The following USP9X variants were observed in gnomAD, a reference collection of about 807,000 sequenced individuals.
The protein encoded by USP9X is ubiquitin carboxyl-terminal hydrolase 9X.
A neutral mutation model predicts 190.3 loss-of-function variants in USP9X; 7 were observed. That is an observed-to-expected ratio of 0.04 (90% CI 0.02 to 0.07). The LOEUF is 0.07. Ranked by LOEUF, USP9X falls within the 10% of genes least tolerant of loss-of-function variation. USP9X has a pLI of 1.00. For missense variants in USP9X, 1,010 were observed against 1,916.9 expected, an observed-to-expected ratio of 0.53 and a Z score of 8.83; for synonymous variants, 645 against 659.5, an observed-to-expected ratio of 0.98 and a Z score of 0.34.
intron 1 of USP9X, among the ~76,000 whole-genome samples, chrX:41,094,054 T>TA (rs1477249926): frequency 8.9e-6 from 1 of 111,786 alleles, no homozygotes; most frequent in Admixed American, 9.5e-5. Context: ...CCTTTGTAGA[T>TA]ATAATTAATT....
chrX:41,161,635 C>CTTTTTGTTTTTTT (rs2062632805), intron 14 of USP9X, among the ~76,000 whole-genome samples: 1 of 47,425 alleles, frequency 2.1e-5, no homozygotes, highest in Non-Finnish European at 3.4e-5. Flanking sequence ...GGCGCCCTGC[C>CTTTTTGTTTTTTT]TTTTTTTTTT....
rs2063011722 is a variant in USP9X at position 41,198,662 on chromosome X, T to G, written c.4515T>G (p.Leu1505=). 1.2e-5 allele frequency: 14 copies of G among 1,210,510 alleles called. No individual in the cohort carries two copies. Among genetic ancestry groups the G allele is most frequent in the Non-Finnish European group, 1.5e-5 (13 of 895,367 alleles). ...PPTINAGFEL[L]VALAVGCVRN... ...CAATTAATGCTGGTTTTGAATTACT[T>G]GTAGCATTAGCTGTTGGCTGTGTGA... is the stretch of plus-strand genomic sequence containing the variant. The change falls in exon 30 of 45, where the codon CTT becomes CTG. Residue 1505 remains leucine (L), a synonymous_variant. Transcript: ENST00000378308.
At position 41,189,319 on chromosome X, in the gene USP9X, G is replaced by A. The variant is rs937429319; in HGVS notation, c.3821G>A (p.Gly1274Asp). 1 of 1,206,483 alleles carries A rather than the reference G, an allele frequency of 8.3e-7. No homozygotes were observed. Among genetic ancestry groups the A allele is most frequent in the Non-Finnish European group, 1.1e-6 (1 of 893,583 alleles). ...ITKIYEKTNA[G>D]NEPDLEDEQV... ...ATTGTAATTTTACAGACCAATGCAG[G>A]CAATGAGCCAGACTTGGAAGACGAA... Residue 1274 changes from glycine to aspartate, a missense_variant, in exon 26 of 45, where the codon GGC (glycine) becomes GAC (aspartate). Transcript: ENST00000378308.
intron 1 of USP9X, among the ~76,000 whole-genome samples, chrX:41,086,712 C>T (rs781554880): frequency 6.8e-4 from 77 of 112,742 alleles, no homozygotes; most frequent in African/African-American, 2.3e-3. Context: ...GCCTCCTACA[C>T]CTCCTTCGCC....
At chrX:41,151,200 A>C in intron 13 of USP9X, 143 bp downstream of exon 13, 1 of 535,713 alleles carries the variant, frequency 1.9e-6, no homozygotes, top group Non-Finnish European at 2.7e-6. Flanking sequence ...GAACAAAAGA[A>C]TTCTTTATTA....
chrX:41,186,463 G>T (rs780574532), intron 23 of USP9X, 54 bp from the exon 24 acceptor site: 1 of 1,185,544 alleles, frequency 8.4e-7, no homozygotes, highest in Non-Finnish European at 1.1e-6. Context: ...CAATTGGTTA[G>T]GTCTGGTTAT....
intron 14 of USP9X, among the ~76,000 whole-genome samples, chrX:41,159,705 T>C (rs2062611742): frequency 9.0e-6 from 1 of 111,043 alleles, no homozygotes; most frequent in African/African-American, 3.3e-5. Context: ...AATTTTTTTT[T>C]TGTAGAAACG....
At chrX:41,185,614 A>G (rs902272844) in intron 23 of USP9X, among the ~76,000 whole-genome samples, 2 of 110,637 alleles carry the variant, frequency 1.8e-5, no homozygotes, top group African/African-American at 6.6e-5. Flanking sequence ...CTTAAATTTT[A>G]TATTGTTTTG....
At chrX:41,210,346 C>T (rs2063147235) in intron 32 of USP9X, among the ~76,000 whole-genome samples, 163 bp from the exon 33 acceptor site, 2 of 112,225 alleles carry the variant, frequency 1.8e-5, no homozygotes. Context: ...AGGGAAAGCA[C>T]ATTCTTTTTT....
chrX:41,222,767 T>C (rs1269962349), intron 38 of USP9X, among the ~76,000 whole-genome samples: 1 of 110,624 alleles, frequency 9.0e-6, no homozygotes, highest in Non-Finnish European at 1.9e-5. Context: ...AATACAAAAA[T>C]TAGCTGGGCA....
intron 21 of USP9X, among the ~76,000 whole-genome samples, chrX:41,179,843 TCTC>T (rs767297441): frequency 4.8e-4 from 54 of 111,465 alleles, no homozygotes; most frequent in Non-Finnish European, 8.9e-4. Context: ...GGCACCCTCT[TCTC>T]CTTGCCTTCA....
rs1437622349 is a variant in USP9X at position 41,235,314 on chromosome X, T to TGCAACAACAA, written c.*2790_*2791insGCAACAACAA. ...GATGCATGTTGTTGCAAGAGCAACA[T>TGCAACAACAA]AATGGTGATTTTGAGGTCTTTTTCT... is the stretch of plus-strand genomic sequence containing the variant. On this transcript the variant is annotated 3_prime_UTR_variant, in exon 45 of 45. Transcript: ENST00000378308. The TGCAACAACAA allele has an allele frequency of 1.8e-5, 2 of 113,161 alleles. No homozygotes were observed. Among genetic ancestry groups the TGCAACAACAA allele is most frequent in the Non-Finnish European group, 3.7e-5 (2 of 53,387 alleles). The allele number at this position is 113,161 out of a possible 1,213,427, so 9.3% of individuals were successfully genotyped here. A position where few individuals can be genotyped will look rare whatever the true frequency, so the allele number is the denominator to read the frequency against.
At chrX:41,154,800 AC>A (rs2062562322) in intron 14 of USP9X, among the ~76,000 whole-genome samples, 1 of 110,840 alleles carries the variant, frequency 9.0e-6, no homozygotes, top group Non-Finnish European at 1.9e-5. Flanking sequence ...TTAACATCAT[AC>A]CTTTTTTTCC....
chrX:41,187,155 A>G (rs771634643), intron 24 of USP9X, among the ~76,000 whole-genome samples: 3 of 112,317 alleles, frequency 2.7e-5, no homozygotes, highest in South Asian at 7.4e-4. Flanking sequence ...ATTTTGACAT[A>G]TATGTGTGAA....
intron 4 of USP9X, among the ~76,000 whole-genome samples, chrX:41,132,045 T>G (rs1261883081): frequency 9.0e-6 from 1 of 111,580 alleles, no homozygotes; most frequent in Non-Finnish European, 1.9e-5. Flanking sequence ...CTCTTTGTAC[T>G]CAGTAAAATT....
At chrX:41,129,266 T>C (rs780371333) in intron 3 of USP9X, 121 bp downstream of exon 3, 165 of 718,574 alleles carry the variant, frequency 2.3e-4, no homozygotes, top group South Asian at 1.5e-3. Context: ...TCTTAATAGA[T>C]TTAATAAATG....
intron 1 of USP9X, 149 bp downstream of exon 1, chrX:41,086,258 C>T (rs1015529731): frequency 1.4e-5 from 4 of 283,852 alleles, no homozygotes; most frequent in Non-Finnish European, 1.8e-5. Flanking sequence ...CGTTCCCCCT[C>T]CTCCGGCCCG....
chrX:41,215,835 G>GA, intron 34 of USP9X, 64 bp from the exon 35 acceptor site: 1 of 1,019,489 alleles, frequency 9.8e-7, no homozygotes, highest in South Asian at 2.3e-5. Context: ...GTTTGCTTGG[G>GA]GTTTTTTTTT....
At chrX:41,117,229 G>C (rs1179517474) in intron 1 of USP9X, among the ~76,000 whole-genome samples, 1 of 111,701 alleles carries the variant, frequency 9.0e-6, no homozygotes, top group Non-Finnish European at 1.9e-5. Context: ...TTAGAGAAAG[G>C]TGTTTTGAGA....
Sources: allele counts gnomAD v4.1 joint callset (sites outside exome capture counted in the v4.1 genomes callset), GRCh38; gene constraint gnomAD v4.1.1; transcripts MANE v1.5; gene names NCBI Gene and HGNC (gene_info 2026-07-23, HGNC 2026-07-21).